The following NALF1 variants were observed in gnomAD, a reference collection of about 807,000 sequenced individuals.
NALF1 encodes NALCN channel auxiliary factor 1, also known as family with sequence similarity 155 member A.
In NALF1, 3 loss-of-function variants were observed where a neutral mutation model predicts 48.4. The ratio of observed to expected loss-of-function variants is 0.06; its 90% CI spans 0.03 to 0.16. The LOEUF is 0.16. NALF1 is among the 10% of genes least tolerant of loss of function. NALF1 has a pLI of 1.00. For synonymous variants in NALF1, 262 were observed against 245.7 expected (o/e 1.07, Z -0.62); for missense variants, 526 against 571.5 (o/e 0.92, Z 0.81).
intron 1 of NALF1, among the ~76,000 whole-genome samples, chr13:107,334,521 C>T (rs1283563175): frequency 6.6e-5 from 10 of 152,064 alleles, no homozygotes; most frequent in Non-Finnish European, 1.0e-4. Flanking sequence ...AATGAGAGAG[C>T]GCCTTTAGGA....
intron 1 of NALF1, among the ~76,000 whole-genome samples, chr13:107,373,944 T>C (rs1006617343): frequency 1.1e-4 from 17 of 152,216 alleles, no homozygotes; most frequent in African/African-American, 4.1e-4. Flanking sequence ...AGTTTTAACA[T>C]ACTTAATATC....
At chr13:107,585,479 C>T (rs1878430106) in intron 1 of NALF1, among the ~76,000 whole-genome samples, 3 of 152,112 alleles carry the variant, frequency 2.0e-5, no homozygotes, top group African/African-American at 7.2e-5. Context: ...TGTCAGTTTT[C>T]TGAAGGTTTC....
intron 1 of NALF1, among the ~76,000 whole-genome samples, chr13:107,654,242 C>T (rs1176005649): frequency 6.6e-6 from 1 of 152,040 alleles, no homozygotes; most frequent in African/African-American, 2.4e-5. Flanking sequence ...TTATTCAAGG[C>T]TACTGTAAAC....
At chr13:107,422,272 T>C (rs1884201939) in intron 1 of NALF1, among the ~76,000 whole-genome samples, 2 of 152,218 alleles carry the variant, frequency 1.3e-5, no homozygotes, top group South Asian at 4.1e-4. Context: ...AAATATGCTC[T>C]TTATTGTTTA....
chr13:107,633,591 C>A (rs146848112), intron 1 of NALF1, among the ~76,000 whole-genome samples: 173 of 151,964 alleles, frequency 1.1e-3, no homozygotes, highest in African/African-American at 3.8e-3. Context: ...CTCATAAATA[C>A]CACATTAAAC....
intron 1 of NALF1, among the ~76,000 whole-genome samples, chr13:107,611,120 T>TTTCA (rs1327551101): frequency 6.6e-6 from 1 of 152,188 alleles, no homozygotes; most frequent in Non-Finnish European, 1.5e-5. Flanking sequence ...TGTGTAATTA[T>TTTCA]TTCATTTTGT....
intron 1 of NALF1, among the ~76,000 whole-genome samples, chr13:107,316,621 T>C (rs9520378): frequency 0.46 from 69,848 of 151,956 alleles, 16,417 homozygotes; most frequent in South Asian, 0.59. Context: ...CTCATTGTGG[T>C]TTTGATTTGC....
chr13:107,434,849 A>C (rs1292051087), intron 1 of NALF1, among the ~76,000 whole-genome samples: 6 of 152,204 alleles, frequency 3.9e-5, no homozygotes, highest in Non-Finnish European at 8.8e-5. Flanking sequence ...ATGCCCAGTA[A>C]ATGTAATTAT....
intron 1 of NALF1, among the ~76,000 whole-genome samples, chr13:107,815,655 A>C (rs915528682): frequency 6.6e-6 from 1 of 152,192 alleles, no homozygotes; most frequent in Non-Finnish European, 1.5e-5. Context: ...AAGAGAAATT[A>C]AAACATATGT....
intron 1 of NALF1, among the ~76,000 whole-genome samples, chr13:107,565,340 G>A (rs1440087194): frequency 2.0e-5 from 3 of 146,418 alleles, no homozygotes; most frequent in Admixed American, 6.9e-5. Flanking sequence ...AGCTGCCATC[G>A]TGCCACTGCA....
chr13:107,341,855 C>G (rs542190643), intron 1 of NALF1, among the ~76,000 whole-genome samples: 1 of 150,014 alleles, frequency 6.7e-6, no homozygotes, highest in Admixed American at 6.7e-5. Flanking sequence ...TACAGACACA[C>G]AGATAAACTA....
In NALF1 at chr13:107,736,899, T is replaced by C. The variant is rs181392520; in HGVS notation, c.915+128783A>G. On this transcript the variant is annotated intron_variant, in intron 1 of 2. Coordinates refer to ENST00000375915, the MANE Select transcript of NALF1 (RefSeq NM_001080396.3). ...GAATGCAGCTCCACCATATTAACAT[T>C]GTTTTTCCTAGACTAACTTGGCAGG... is the stretch of plus-strand genomic sequence containing the variant. 3.9e-5 allele frequency among the ~76,000 whole-genome samples: 6 copies of C among 152,332 alleles called. No individual in the cohort carries two copies. The East Asian group carries it at 1.2e-3, about 29-fold the overall frequency.
chr13:107,422,781 T>C (rs1456898133), intron 1 of NALF1, among the ~76,000 whole-genome samples: 2 of 152,126 alleles, frequency 1.3e-5, no homozygotes, highest in Non-Finnish European at 2.9e-5. Flanking sequence ...GGGCTTAATA[T>C]AATTACAATG....
At chr13:107,551,133 G>C (rs557988328) in intron 1 of NALF1, among the ~76,000 whole-genome samples, 33 of 152,186 alleles carry the variant, frequency 2.2e-4, no homozygotes, top group Non-Finnish European at 4.4e-4. Flanking sequence ...TACTGCGTCT[G>C]AAGTACATGT....
intron 1 of NALF1, among the ~76,000 whole-genome samples, chr13:107,264,181 T>C (rs1333049692): frequency 6.6e-6 from 1 of 152,256 alleles, no homozygotes; most frequent in Non-Finnish European, 1.5e-5. Context: ...TAGAATCTTT[T>C]CAATTGTGGC....
chr13:107,505,586 C>T (rs1277490685), intron 1 of NALF1, among the ~76,000 whole-genome samples: 3 of 152,206 alleles, frequency 2.0e-5, no homozygotes, highest in Middle Eastern at 3.4e-3. Context: ...GACTGCAATG[C>T]GTGGCCTGAC....
intron 2 of NALF1, among the ~76,000 whole-genome samples, chr13:107,187,929 G>A (rs1879210699): frequency 6.6e-6 from 1 of 152,124 alleles, no homozygotes; most frequent in Admixed American, 6.5e-5. Context: ...GCCATTAAAA[G>A]TTATAATAGC....
At chr13:107,175,039 A>G (rs1291983699) in intron 2 of NALF1, among the ~76,000 whole-genome samples, 17 of 89,282 alleles carry the variant, frequency 1.9e-4, no homozygotes, top group Non-Finnish European at 3.4e-4. Flanking sequence ...GCCCGCCACG[A>G]CGCCCGGCTA....
intron 1 of NALF1, among the ~76,000 whole-genome samples, chr13:107,291,159 A>T (rs1881613050): frequency 6.6e-6 from 1 of 151,736 alleles, no homozygotes; most frequent in Non-Finnish European, 1.5e-5. Context: ...TCAAATACGT[A>T]AAATCCTCTT....
Sources: gnomAD v4.1 joint callset for allele counts (sites outside exome capture counted in the v4.1 genomes callset) on GRCh38, gnomAD v4.1.1 for gene constraint, MANE v1.5 for transcripts, NCBI Gene and HGNC (gene_info 2026-07-23, HGNC 2026-07-21) for gene names.